ELP1: variants seen among roughly 807,000 people sequenced by gnomAD.
The protein encoded by ELP1 is elongator acetyltransferase complex subunit 1, also known as elongator complex protein 1.
ELP1 carries 131 observed loss-of-function variants against 183.2 expected under a neutral mutation model. That is an observed-to-expected ratio of 0.72 (90% CI 0.62 to 0.83). The LOEUF is 0.83. Among genes scored for constraint, ELP1 ranks in the 40% least tolerant of loss-of-function variants. ELP1 has a pLI of 0.00. For synonymous variants in ELP1, 555 were observed against 569.0 expected (o/e 0.98, Z 0.35); for missense variants, 1,550 against 1,594.9 (o/e 0.97, Z 0.48).
chr9:108,886,146 C>G (rs1828113192), intron 29 of ELP1, among the ~76,000 whole-genome samples: 1 of 152,204 alleles, frequency 6.6e-6, no homozygotes, highest in African/African-American at 2.4e-5. Flanking sequence ...TACGCCAAGT[C>G]TGGTGTAGGG....
chr9:108,885,292 G>GA (rs1484384222), intron 29 of ELP1, among the ~76,000 whole-genome samples: 1 of 151,684 alleles, frequency 6.6e-6, no homozygotes, highest in Non-Finnish European at 1.5e-5. Flanking sequence ...AGAATAATCA[G>GA]AAAAAAGAAG....
chr9:108,875,649 C>G, intron 35 of ELP1: 1 of 361,892 alleles, frequency 2.8e-6, no homozygotes, highest in Non-Finnish European at 5.3e-6. Flanking sequence ...AATCTCAGCA[C>G]TTTGGGAGGC....
At position 108,898,549 on chromosome 9, in the gene ELP1, T is replaced by G; in HGVS notation, c.2316A>C (p.Lys772Asn). 1 of 1,602,804 alleles carries G rather than the reference T, an allele frequency of 6.2e-7. No individual in the cohort carries two copies. Among genetic ancestry groups the G allele is most frequent in the Non-Finnish European group, 8.5e-7 (1 of 1,171,024 alleles). Residue 772 changes from lysine to asparagine, a missense_variant, in exon 22 of 37, where the codon AAA becomes AAC. By Grantham distance (94) the Lys-to-Asn change is moderately conservative (BLOSUM62 0). Transcript: ENST00000374647. ...VFLGNVETFI[K>N]QIDSVNHINL... Reference sequence around the variant, plus strand: ...TAATATGATTCACAGAATCTATCTGTTTAATGAAGGTTTCCACATTTCCAA... The same window carrying G: ...TAATATGATTCACAGAATCTATCTGGTTAATGAAGGTTTCCACATTTCCAA...
rs184604571 is a variant in ELP1, at chr9:108,896,134, G to A, written c.2736+362C>T. Among the ~76,000 whole-genome samples the A allele has an allele frequency of 2.9e-3, 449 of 152,258 alleles. 3 individuals carry two copies. Among genetic ancestry groups the A allele is most frequent in the African/African-American group, 0.01 (431 of 41,544 alleles). ...TAGCCGGGCGTGGTGATGGGCACCT[G>A]TAGTCCCAGCTACTAGAGAGGCTGA... On this transcript the variant is annotated intron_variant, in intron 25 of 36. Transcript: ENST00000374647.
chr9:108,919,864 C>T (rs17792561), intron 6 of ELP1, among the ~76,000 whole-genome samples: 7,912 of 152,174 alleles, frequency 0.052, 310 homozygotes, highest in South Asian at 0.13. Flanking sequence ...CGGGAAGAAA[C>T]GTCTCCTCCA....
Position 108,882,151 on chromosome 9 carries a change from C to T in ELP1, c.3259G>A (p.Ala1087Thr), listed in dbSNP as rs61749203. The change falls in exon 30 of 37, where the codon GCT (alanine) becomes ACT (threonine). Residue 1087 changes from alanine (A) to threonine (T), a missense_variant. Coordinates refer to ENST00000374647, the MANE Select transcript of ELP1 (RefSeq NM_003640.5). The stretch of plus-strand genomic sequence containing the variant: ...AGCCTCAAAGCTTCTTCCCAGGCAG[C>T]TCCTTCTAACAGCAAGAGCACAGCT... ...EEAVLLLLEG[A>T]AWEEALRLVY... The T allele has an allele frequency of 4.7e-5, 76 of 1,613,512 alleles. No individual in the cohort carries two copies. In the Middle Eastern group the frequency reaches 4.9e-4, roughly 10 times the overall value.
chr9:108,930,314 A>G (rs1044005142), intron 2 of ELP1, among the ~76,000 whole-genome samples: 2 of 152,214 alleles, frequency 1.3e-5, no homozygotes, highest in African/African-American at 4.8e-5. Context: ...CAACCCACAG[A>G]GGTTTTTAAA....
At chr9:108,893,873 T>C (rs1828437098) in intron 26 of ELP1, 70 bp downstream of exon 26, 2 of 1,532,416 alleles carry the variant, frequency 1.3e-6, no homozygotes, top group Non-Finnish European at 1.8e-6. Context: ...AACTAACAGT[T>C]TAATTTATAC....
rs113665002 is a variant in ELP1 at position 108,914,353 on chromosome 9, G to A, written c.958+1851C>T. On this transcript the variant is annotated intron_variant, in intron 10 of 36. Coordinates refer to ENST00000374647, the MANE Select transcript of ELP1 (RefSeq NM_003640.5). ...GGCAGAGCTTGCAGTGACCGAGATC[G>A]GGCCACTGCACTCCAGCCTGGGGGA... Among the ~76,000 whole-genome samples the A allele has an allele frequency of 1.4e-3, 188 of 133,288 alleles. 1 individual carries two copies. Among genetic ancestry groups the A allele is most frequent in the Middle Eastern group, 4.1e-3 (1 of 244 alleles). 87.4% of individuals were successfully genotyped at this position (133,288 alleles called of 152,430 possible).
At chr9:108,896,317 A>G (rs1045643473) in intron 25 of ELP1, among the ~76,000 whole-genome samples, 179 bp downstream of exon 25, 1 of 152,190 alleles carries the variant, frequency 6.6e-6, no homozygotes, top group Non-Finnish European at 1.5e-5. Context: ...CCTCACAATC[A>G]AAACACTTTC....
At chr9:108,931,295 A>T in intron 1 of ELP1, 94 bp from the exon 2 acceptor site, 1 of 848,178 alleles carries the variant, frequency 1.2e-6, no homozygotes, top group Non-Finnish European at 1.9e-6. Flanking sequence ...TCAGAATCAG[A>T]ATAACCAAGA....
chr9:108,895,938 C>T (rs1411946090), intron 25 of ELP1, among the ~76,000 whole-genome samples: 1 of 152,164 alleles, frequency 6.6e-6, no homozygotes, highest in Non-Finnish European at 1.5e-5. Context: ...TTAGCTCACA[C>T]ATATGCCCAT....
At chr9:108,881,629 A>AT in intron 31 of ELP1, 76 bp downstream of exon 31, 1 of 882,714 alleles carries the variant, frequency 1.1e-6, no homozygotes, top group East Asian at 2.4e-5. Flanking sequence ...AACACAGTAA[A>AT]TAGGAGGAGA....
intron 5 of ELP1, among the ~76,000 whole-genome samples, chr9:108,923,207 C>T (rs986689462): frequency 2.0e-5 from 3 of 152,070 alleles, no homozygotes; most frequent in Admixed American, 6.5e-5. Context: ...CCCATCTCTA[C>T]AAAAAGTATA....
At position 108,912,416 on chromosome 9, in the gene ELP1, A is replaced by G. The variant is rs770175441; in HGVS notation, c.1037T>C (p.Ile346Thr). 2.5e-6 allele frequency: 4 copies of G among 1,614,060 alleles called. No homozygotes were observed. Among genetic ancestry groups the G allele is most frequent in the South Asian group, 1.1e-5 (1 of 91,066 alleles). Residue 346 changes from isoleucine to threonine, a missense_variant, in exon 11 of 37, where the codon ATT becomes ACT. By Grantham distance (89) the Ile-to-Thr change is moderately conservative (BLOSUM62 -1). Transcript: ENST00000374647. ...LSFSTCGKSK[I>T]VSLMWDPVTP... ...CACAGGGTCCCACATCAGAGACACA[A>G]TCTTGCTCTTCCCACAGGTGCTGAA...
chr9:108,906,417 T>A lies in ELP1; in HGVS notation c.1529A>T (p.Glu510Val). ...GCTTACAGCCAGGAAGACGTCTTCTTCAATCCAAGTGAGAAGGCCTAGTTT... is the reference window on the plus strand; with the variant it reads ...GCTTACAGCCAGGAAGACGTCTTCTACAATCCAAGTGAGAAGGCCTAGTTT... ...PLKLGLLTWIEEDVFLAVSHS... is the reference protein window; with the variant it reads ...PLKLGLLTWIVEDVFLAVSHS... The change falls in exon 14 of 37, where the codon GAA (glutamate) becomes GTA (valine). Residue 510 changes from glutamate (E) to valine (V), a missense_variant. Coordinates refer to ENST00000374647, the MANE Select transcript of ELP1 (RefSeq NM_003640.5). 1 of 1,614,094 alleles carries A rather than the reference T, an allele frequency of 6.2e-7. No individual in the cohort carries two copies. Among genetic ancestry groups the A allele is most frequent in the Non-Finnish European group, 8.5e-7 (1 of 1,179,942 alleles).
chr9:108,887,506 A>G (rs1473993566), intron 29 of ELP1, among the ~76,000 whole-genome samples: 2 of 152,210 alleles, frequency 1.3e-5, no homozygotes, highest in African/African-American at 4.8e-5. Flanking sequence ...TGCAGGATAC[A>G]AGGTCAATTA....
At chr9:108,877,941 C>T (rs1226325624) in intron 35 of ELP1, 54 bp downstream of exon 35, 1 of 1,589,662 alleles carries the variant, frequency 6.3e-7, no homozygotes, top group Non-Finnish European at 8.6e-7. Context: ...TGTGTGAATA[C>T]AATAACCCAT....
chr9:108,910,968 G>A (rs1190842070), intron 12 of ELP1, 42 bp downstream of exon 12: 5 of 1,582,368 alleles, frequency 3.2e-6, no homozygotes, highest in Non-Finnish European at 4.3e-6. Flanking sequence ...GGAGTAGAAG[G>A]GACTTGATTC....
Sources: gnomAD v4.1 joint callset for allele counts (sites outside exome capture counted in the v4.1 genomes callset) on GRCh38, gnomAD v4.1.1 for gene constraint, MANE v1.5 for transcripts, NCBI Gene and HGNC (gene_info 2026-07-23, HGNC 2026-07-21) for gene names.